Variants in LDLRAD3 observed in about 807,000 individuals in gnomAD.
LDLRAD3 encodes the protein low density lipoprotein receptor class A domain containing 3.
A neutral mutation model predicts 29.4 loss-of-function variants in LDLRAD3; 20 were observed. That is an observed-to-expected ratio of 0.68 (90% CI 0.48 to 0.99). The LOEUF (loss-of-function observed/expected upper bound fraction) is 0.99, where lower values mean the gene tolerates loss of function less well. Among genes scored for constraint, LDLRAD3 ranks in the 50% least tolerant of loss-of-function variants. LDLRAD3 has a pLI of 0.00. For missense variants in LDLRAD3, 420 were observed against 454.3 expected, an observed-to-expected ratio of 0.92 and a Z score of 0.69; for synonymous variants, 157 against 192.7, an observed-to-expected ratio of 0.81 and a Z score of 1.53.
chr11:36,195,426 C>T (rs1855018332), intron 4 of LDLRAD3, among the ~76,000 whole-genome samples: 1 of 152,204 alleles, frequency 6.6e-6, no homozygotes, highest in Admixed American at 6.5e-5. Context: ...TGTGCAGGGT[C>T]CAGCTCATCC....
intron 1 of LDLRAD3, among the ~76,000 whole-genome samples, chr11:36,026,097 C>T (rs1290537410): frequency 6.6e-6 from 1 of 152,044 alleles, no homozygotes; most frequent in Non-Finnish European, 1.5e-5. Context: ...TGATATTTAC[C>T]TCTCCTGTAC....
At chr11:35,969,611 GTTGCTCAGGGTTC>G (rs1221312691) in intron 1 of LDLRAD3, among the ~76,000 whole-genome samples, 16 of 152,326 alleles carry the variant, frequency 1.1e-4, no homozygotes, top group African/African-American at 3.6e-4. Flanking sequence ...CAGTGTTGAG[GTTGCTCAGGGTTC>G]AGCCTCAGCA....
chr11:36,128,216 G>T (rs1806936544), intron 4 of LDLRAD3, among the ~76,000 whole-genome samples: 1 of 150,938 alleles, frequency 6.6e-6, no homozygotes, highest in African/African-American at 2.4e-5. Context: ...GTAATACTGT[G>T]TGTAGGCAAA....
intron 1 of LDLRAD3, among the ~76,000 whole-genome samples, chr11:35,953,171 C>A (rs117240294): frequency 6.6e-6 from 1 of 152,146 alleles, no homozygotes; most frequent in Non-Finnish European, 1.5e-5. Flanking sequence ...TGGGTGAATT[C>A]GCTGTTGCCC....
intron 4 of LDLRAD3, among the ~76,000 whole-genome samples, chr11:36,112,021 A>T (rs970595293): frequency 6.6e-6 from 1 of 152,202 alleles, no homozygotes; most frequent in East Asian, 1.9e-4. Flanking sequence ...TCAAATTTGC[A>T]TCAGTAGGTC....
intron 4 of LDLRAD3, among the ~76,000 whole-genome samples, chr11:36,128,150 G>C (rs922716785): frequency 1.1e-5 from 1 of 89,644 alleles, no homozygotes; most frequent in African/African-American, 3.4e-5. Flanking sequence ...ATGACATGTA[G>C]GCAATTAAAC....
chr11:36,018,111 G>A (rs1308897052), intron 1 of LDLRAD3, among the ~76,000 whole-genome samples: 1 of 152,202 alleles, frequency 6.6e-6, no homozygotes, highest in African/African-American at 2.4e-5. Context: ...TGCGGCTGCA[G>A]GCTTCATCTT....
chr11:36,093,509 C>T lies in LDLRAD3; in HGVS notation c.320-4818C>T, dbSNP rs59603773. Among the ~76,000 whole-genome samples, 1,169 of 151,958 alleles carry T rather than the reference C, an allele frequency of 7.7e-3. 62 individuals carry two copies. The East Asian group carries it at 0.15, about 19-fold the overall frequency. ...CTTGCATGGGGTAACTTCATATTAA[C>T]GTAATATAGTACAGTACATAGCCTA... On this transcript the variant is annotated intron_variant, in intron 3 of 5. Transcript: ENST00000315571.
intron 2 of LDLRAD3, among the ~76,000 whole-genome samples, chr11:36,069,665 G>A (rs7924890): frequency 0.23 from 34,084 of 150,550 alleles, 4,567 homozygotes; most frequent in African/African-American, 0.37. Flanking sequence ...ATGAAAAGAT[G>A]CCAGGTACTT....
intron 4 of LDLRAD3, among the ~76,000 whole-genome samples, chr11:36,221,101 A>G (rs1855420275): frequency 6.6e-6 from 1 of 151,948 alleles, no homozygotes; most frequent in South Asian, 2.1e-4. Context: ...TAGTCCCAGC[A>G]CTTTGGGATG....
At chr11:35,981,218 G>A (rs1851537974) in intron 1 of LDLRAD3, among the ~76,000 whole-genome samples, 1 of 151,906 alleles carries the variant, frequency 6.6e-6, no homozygotes, top group African/African-American at 2.4e-5. Context: ...GGGGGTTGGG[G>A]GTGGGGGGGC....
intron 4 of LDLRAD3, among the ~76,000 whole-genome samples, chr11:36,138,498 C>T (rs1252867467): frequency 6.6e-6 from 1 of 152,220 alleles, no homozygotes; most frequent in Non-Finnish European, 1.5e-5. Flanking sequence ...TTAGAAGTGC[C>T]TGATGTCTTT....
intron 1 of LDLRAD3, among the ~76,000 whole-genome samples, chr11:35,986,006 C>A (rs1851610566): frequency 6.6e-6 from 1 of 152,046 alleles, no homozygotes; most frequent in South Asian, 2.1e-4. Context: ...TGAGGCCAGT[C>A]TGGACAGATG....
intron 1 of LDLRAD3, among the ~76,000 whole-genome samples, chr11:36,020,152 T>C (rs1044543413): frequency 2.6e-5 from 4 of 152,176 alleles, no homozygotes; most frequent in Admixed American, 2.6e-4. Flanking sequence ...TTTGAATTTT[T>C]ACTTTGAGCC....
chr11:36,219,739 G>A (rs546538247), intron 4 of LDLRAD3, among the ~76,000 whole-genome samples: 21 of 152,242 alleles, frequency 1.4e-4, no homozygotes, highest in African/African-American at 4.3e-4. Context: ...TCCTTGAATC[G>A]AATATAGAAA....
intron 4 of LDLRAD3, among the ~76,000 whole-genome samples, chr11:36,099,545 A>G (rs1018380726): frequency 3.9e-5 from 6 of 152,168 alleles, no homozygotes; most frequent in Admixed American, 1.3e-4. Context: ...TAGTTTATAG[A>G]TCTAATAAAA....
At chr11:36,140,688 T>G (rs55634360) in intron 4 of LDLRAD3, among the ~76,000 whole-genome samples, 8,604 of 152,218 alleles carry the variant, frequency 0.057, 424 homozygotes, top group East Asian at 0.26. Flanking sequence ...CCCTAAGTGC[T>G]GGGATTACAG....
chr11:36,092,144 T>C (rs1853292187), intron 3 of LDLRAD3, among the ~76,000 whole-genome samples: 1 of 152,232 alleles, frequency 6.6e-6, no homozygotes, highest in African/African-American at 2.4e-5. Flanking sequence ...TGTCAGCATG[T>C]ACCTTTTTTG....
intron 3 of LDLRAD3, among the ~76,000 whole-genome samples, chr11:36,083,680 A>C (rs1853150328): frequency 6.6e-6 from 1 of 151,834 alleles, no homozygotes. Context: ...AGTGAGTATC[A>C]GCTTGATCTC....
Sources: allele counts gnomAD v4.1 joint callset (sites outside exome capture counted in the v4.1 genomes callset), GRCh38; gene constraint gnomAD v4.1.1; transcripts MANE v1.5; gene names NCBI Gene and HGNC (gene_info 2026-07-23, HGNC 2026-07-21).